Variants in GPR174 observed in about 807,000 individuals in gnomAD.
GPR174 encodes the protein probable G protein-coupled receptor 174.
GPR174 carries 8 observed loss-of-function variants against 16.5 expected under a neutral mutation model. The ratio of observed to expected loss-of-function variants is 0.48; its 90% confidence interval spans 0.28 to 0.87. The LOEUF is 0.87. Ranked by LOEUF, GPR174 falls within the 40% of genes least tolerant of loss-of-function variation. GPR174 has a pLI of 0.09. For synonymous variants in GPR174, 111 were observed against 94.8 expected, an observed-to-expected ratio of 1.17 and a Z score of -0.99; for missense variants, 214 against 247.5, an observed-to-expected ratio of 0.86 and a Z score of 0.91.
chrX:79,170,888 G>A lies in GPR174; in HGVS notation c.-120G>A. On this transcript the variant is annotated 5_prime_UTR_variant, in exon 3 of 3. Transcript: ENST00000645147. Reference sequence around the variant, plus strand: ...AGACAGATGTGGTAAAAAGAGGAAGGTTATTTTATACTTCGTATCTCCAAC... The same window carrying A: ...AGACAGATGTGGTAAAAAGAGGAAGATTATTTTATACTTCGTATCTCCAAC... 8.6e-6 allele frequency: 5 copies of A among 580,187 alleles called. No homozygotes were observed. Among genetic ancestry groups the A allele is most frequent in the Non-Finnish European group, 1.1e-5 (4 of 366,507 alleles). 47.8% of individuals were successfully genotyped at this position (580,187 alleles called of 1,213,427 possible). A position where few individuals can be genotyped will look rare whatever the true frequency, so the allele number is the denominator to read the frequency against.
In GPR174 at chrX:79,171,770, C is replaced by A. The variant is rs1192291775; in HGVS notation, c.763C>A (p.Leu255Met). 1.7e-6 allele frequency: 2 copies of A among 1,210,853 alleles called. No homozygotes were observed. The highest frequency in any genetic ancestry group is 4.4e-5 in the Admixed American group (2 of 45,955). Residue 255 changes from leucine (L) to methionine (M), a missense_variant, in exon 3 of 3, where the codon CTG (leucine) becomes ATG (methionine). By Grantham distance (15) the Leu-to-Met change is conservative. Coordinates refer to ENST00000645147, the MANE Select transcript of GPR174 (RefSeq NM_032553.3). ...TCATTTCAGTTTTCCTTTAGATTTC[C>A]TGGTGAAGTCCAATGAAATTAAAAG... The part of the protein sequence containing the change: ...PYHFSFPLDF[L>M]VKSNEIKSCL...
At chrX:79,170,135 A>C (rs1337260649) in intron 2 of GPR174, among the ~76,000 whole-genome samples, 1 of 111,616 alleles carries the variant, frequency 9.0e-6, no homozygotes, top group African/African-American at 3.3e-5. Flanking sequence ...ACGCAGAAGA[A>C]TCACCTGAGT....
intron 1 of GPR174, among the ~76,000 whole-genome samples, chrX:79,146,955 C>T (rs1271689070): frequency 9.0e-6 from 1 of 111,589 alleles, no homozygotes; most frequent in Non-Finnish European, 1.9e-5. Flanking sequence ...AAGCAGGGCA[C>T]AGACGGTGCC....
chrX:79,150,124 A>C (rs1045699261), intron 1 of GPR174, among the ~76,000 whole-genome samples: 1 of 111,692 alleles, frequency 9.0e-6, no homozygotes, highest in African/African-American at 3.2e-5. Flanking sequence ...ATAGTCCAAT[A>C]GAGAAAAATT....
intron 1 of GPR174, among the ~76,000 whole-genome samples, chrX:79,147,187 CG>C (rs1404247988): frequency 3.6e-5 from 4 of 110,911 alleles, no homozygotes; most frequent in Non-Finnish European, 7.6e-5. Flanking sequence ...AAATGAGACT[CG>C]TAGAGGTGAA....
chrX:79,171,849 C>T lies in GPR174; in HGVS notation c.842C>T (p.Ala281Val). The T allele has an allele frequency of 8.3e-7, 1 of 1,211,114 alleles. No homozygotes were observed. ...TTTCATTCTGTGGCATTGTGTCTTG[C>T]TAGTCTGAATTCATGTCTTGACCCA... ...LIFHSVALCLASLNSCLDPVI... is the reference protein window; with the variant it reads ...LIFHSVALCLVSLNSCLDPVI... The change falls in exon 3 of 3, where the codon GCT becomes GTT. Residue 281 changes from alanine to valine, a missense_variant. Transcript: ENST00000645147.
At chrX:79,167,938 G>A (rs145909445) in intron 2 of GPR174, among the ~76,000 whole-genome samples, 42 of 111,748 alleles carry the variant, frequency 3.8e-4, no homozygotes, top group African/African-American at 1.3e-3. Context: ...ATCCAGGAGC[G>A]CCTCTCTTTA....
chrX:79,156,262 C>T (rs1052597285), intron 1 of GPR174, among the ~76,000 whole-genome samples: 6 of 111,651 alleles, frequency 5.4e-5, no homozygotes, highest in Non-Finnish European at 9.4e-5. Context: ...CCCTAAATCA[C>T]CATACATAAG....
intron 2 of GPR174, among the ~76,000 whole-genome samples, chrX:79,159,815 A>C (rs1216007260): frequency 8.9e-6 from 1 of 112,203 alleles, no homozygotes; most frequent in East Asian, 2.8e-4. Flanking sequence ...TAAAGTGACA[A>C]ATTATTAGAG....
intron 2 of GPR174, among the ~76,000 whole-genome samples, chrX:79,163,050 A>G (rs1241172657): frequency 9.0e-6 from 1 of 111,613 alleles, no homozygotes; most frequent in Non-Finnish European, 1.9e-5. Flanking sequence ...GTGGAAGCCT[A>G]GGGCACTTGA....
At position 79,171,844 on chromosome X, in the gene GPR174, T is replaced by C. The variant is rs1490586175; in HGVS notation, c.837T>C (p.Cys279=). 1 of 1,209,247 alleles carries C rather than the reference T, an allele frequency of 8.3e-7. No homozygotes were observed. Among genetic ancestry groups the C allele is most frequent in the Non-Finnish European group, 1.1e-6 (1 of 894,967 alleles). Residue 279 remains cysteine (C), a synonymous_variant, in exon 3 of 3, where the codon TGT becomes TGC. Coordinates refer to ENST00000645147, the MANE Select transcript of GPR174 (RefSeq NM_032553.3). ...TAATATTTCATTCTGTGGCATTGTG[T>C]CTTGCTAGTCTGAATTCATGTCTTG... ...VILIFHSVAL[C]LASLNSCLDP...
intron 1 of GPR174, among the ~76,000 whole-genome samples, chrX:79,156,428 AT>A (rs1277135602): frequency 8.9e-6 from 1 of 112,287 alleles, no homozygotes; most frequent in East Asian, 2.8e-4. Flanking sequence ...CATGCCAACT[AT>A]TTAGAAAAGA....
intron 2 of GPR174, among the ~76,000 whole-genome samples, chrX:79,170,228 A>G (rs1043089940): frequency 1.8e-4 from 20 of 111,684 alleles, no homozygotes; most frequent in African/African-American, 5.9e-4. Flanking sequence ...CCCAAGCGTC[A>G]TTCGTTCATG....
chrX:79,163,433 G>A (rs1921282241), intron 2 of GPR174, among the ~76,000 whole-genome samples: 1 of 111,847 alleles, frequency 8.9e-6, no homozygotes, highest in South Asian at 3.7e-4. Flanking sequence ...TGTCCTTTGA[G>A]TTAACCCAGA....
Position 79,171,398 on chromosome X carries a change from C to A in GPR174, c.391C>A (p.Gln131Lys), listed in dbSNP as rs779792896. Residue 131 changes from glutamine to lysine, a missense_variant, in exon 3 of 3, where the codon CAG (glutamine) becomes AAG (lysine). Physicochemically the swap from Gln to Lys is moderately conservative, Grantham distance 53. Coordinates refer to ENST00000645147, the MANE Select transcript of GPR174 (RefSeq NM_032553.3). ...MYPFRFHDCK[Q>K]KYDLYISIAG... ...CCCCTTTCGCTTCCATGACTGCAAA[C>A]AGAAATATGACCTGTACATCAGCAT... 5.0e-6 allele frequency: 6 copies of A among 1,211,821 alleles called. No homozygotes were observed. The highest frequency in any genetic ancestry group is 2.2e-5 in the Admixed American group (1 of 46,035).
Position 79,158,504 on chromosome X carries a change from C to T in GPR174, c.-557+1586C>T, listed in dbSNP as rs187046994. ...CTGTCGCCAGGCTGGAGTGCAGTGA[C>T]GCAATCTCGGCTCACTGCAACCTCC... On this transcript the variant is annotated intron_variant, in intron 2 of 2. Coordinates refer to ENST00000645147, the MANE Select transcript of GPR174 (RefSeq NM_032553.3). 7.7e-3 allele frequency among the ~76,000 whole-genome samples: 747 copies of T among 96,944 alleles called. 6 individuals are homozygous for T. The highest frequency in any genetic ancestry group is 0.028 in the African/African-American group (712 of 25,699). The allele number at this position is 96,944 out of a possible 115,157, so 84.2% of individuals were successfully genotyped here.
intron 1 of GPR174, among the ~76,000 whole-genome samples, chrX:79,148,745 C>T (rs1490554485): frequency 9.0e-6 from 1 of 111,490 alleles, no homozygotes; most frequent in African/African-American, 3.3e-5. Flanking sequence ...TGGCCTTGAG[C>T]AATCTCCCAA....
chrX:79,167,633 A>G (rs1921408599), intron 2 of GPR174, among the ~76,000 whole-genome samples: 1 of 111,523 alleles, frequency 9.0e-6, no homozygotes, highest in African/African-American at 3.3e-5. Context: ...AGGCAATATG[A>G]CTGGTGATGT....
chrX:79,166,435 T>TC (rs1228767818), intron 2 of GPR174, among the ~76,000 whole-genome samples: 23 of 65,024 alleles, frequency 3.5e-4, no homozygotes, highest in African/African-American at 1.3e-3. Flanking sequence ...CTTTTTTCTT[T>TC]TTTTTTTTTT....
Sources: allele counts gnomAD v4.1 joint callset (sites outside exome capture counted in the v4.1 genomes callset), GRCh38; gene constraint gnomAD v4.1.1; transcripts MANE v1.5; gene names NCBI Gene and HGNC (gene_info 2026-07-23, HGNC 2026-07-21).